CASR: variants seen among roughly 807,000 people sequenced by gnomAD.
The protein encoded by CASR is calcium sensing receptor.
CASR carries 23 observed loss-of-function variants against 69.1 expected under a neutral mutation model. That is an observed-to-expected ratio of 0.33 (90% confidence interval 0.24 to 0.47). The LOEUF (loss-of-function observed/expected upper bound fraction) is 0.47, where lower values mean the gene tolerates loss of function less well. Ranked by LOEUF, CASR falls within the 20% of genes least tolerant of loss-of-function variation. The probability of loss-of-function intolerance (pLI) is 1.00; values close to 1 mark genes in which losing one functional copy is unlikely to be tolerated. For missense variants in CASR, 924 were observed against 1,356.1 expected (o/e 0.68, Z 5.00); for synonymous variants, 541 against 544.7 (o/e 0.99, Z 0.10).
At chr3:122,248,572 T>C (rs1441309854) in intron 1 of CASR, among the ~76,000 whole-genome samples, 2 of 152,026 alleles carry the variant, frequency 1.3e-5, no homozygotes, top group Non-Finnish European at 2.9e-5. Flanking sequence ...AAATCAAATT[T>C]GGTCTTATAA....
Position 122,285,294 on chromosome 3 carries a change from A to C in CASR, c.*103A>C, listed in dbSNP as rs199899073. 3.4e-5 allele frequency: 35 copies of C among 1,041,114 alleles called. No individual in the cohort carries two copies. Among genetic ancestry groups the C allele is most frequent in the Non-Finnish European group, 5.2e-5 (35 of 670,032 alleles). The allele number at this position is 1,041,114 out of a possible 1,614,324, so 64.5% of individuals were successfully genotyped here. Reference sequence around the variant, plus strand: ...TCCTTTCCTCTGAGGAAGAAGGGATAATAGACACATCAAATGCCCCGAATT... The same window carrying C: ...TCCTTTCCTCTGAGGAAGAAGGGATCATAGACACATCAAATGCCCCGAATT... On this transcript the variant is annotated 3_prime_UTR_variant, in exon 7 of 7. Coordinates refer to ENST00000639785, the MANE Select transcript of CASR (RefSeq NM_000388.4).
intron 1 of CASR, among the ~76,000 whole-genome samples, chr3:122,249,437 G>A (rs572738687): frequency 6.6e-6 from 1 of 152,232 alleles, no homozygotes; most frequent in South Asian, 2.1e-4. Flanking sequence ...CTAGCACATA[G>A]AGAGCTCAAT....
At chr3:122,227,750 C>T (rs2074239049) in intron 1 of CASR, among the ~76,000 whole-genome samples, 1 of 152,116 alleles carries the variant, frequency 6.6e-6, no homozygotes, top group Non-Finnish European at 1.5e-5. Context: ...AGTAGGAGCA[C>T]TGGGGTTGAA....
chr3:122,274,883 A>G (rs2074797800), intron 4 of CASR, among the ~76,000 whole-genome samples: 1 of 152,192 alleles, frequency 6.6e-6, no homozygotes, highest in Non-Finnish European at 1.5e-5. Flanking sequence ...CACATGAAAG[A>G]TAAGTGGCTG....
chr3:122,267,870 C>T (rs2074712080), intron 4 of CASR, among the ~76,000 whole-genome samples: 1 of 152,232 alleles, frequency 6.6e-6, no homozygotes, highest in South Asian at 2.1e-4. Context: ...CATTTTCCCA[C>T]TTATGGCCCC....
At chr3:122,262,875 C>T (rs2107633639) in intron 4 of CASR, among the ~76,000 whole-genome samples, 1 of 152,286 alleles carries the variant, frequency 6.6e-6, no homozygotes, top group East Asian at 1.9e-4. Context: ...TACCAAGCCA[C>T]CCAGCAGGTC....
chr3:122,278,663 C>A (rs1404478789), intron 5 of CASR, among the ~76,000 whole-genome samples: 1 of 152,178 alleles, frequency 6.6e-6, no homozygotes, highest in African/African-American at 2.4e-5. Flanking sequence ...CTCTTTAGCT[C>A]ATGGTTGCTG....
Position 122,283,788 on chromosome 3 carries a change from T to C in CASR, c.1834T>C (p.Phe612Leu). Residue 612 changes from phenylalanine to leucine, a missense_variant, in exon 7 of 7, where the codon TTT becomes CTT. Phe to Leu is a conservative substitution (Grantham distance 22, BLOSUM62 0). Transcript: ENST00000639785. ...EIEFLSWTEP[F>L]GIALTLFAVL... ...CGAGTTTCTGTCGTGGACGGAGCCC[T>C]TTGGGATCGCACTCACCCTCTTTGC... is the stretch of plus-strand genomic sequence containing the variant. The C allele has an allele frequency of 6.2e-7, 1 of 1,614,092 alleles. No homozygotes were observed. Among genetic ancestry groups the C allele is most frequent in the Non-Finnish European group, 8.5e-7 (1 of 1,179,996 alleles).
intron 1 of CASR, among the ~76,000 whole-genome samples, chr3:122,231,746 C>A (rs1339145338): frequency 1.7e-5 from 2 of 114,562 alleles, no homozygotes; most frequent in African/African-American, 5.8e-5. Context: ...CCCATTACCC[C>A]CCTCCCACTC....
intron 2 of CASR, among the ~76,000 whole-genome samples, chr3:122,254,639 T>G (rs1032486867): frequency 6.6e-6 from 1 of 152,162 alleles, no homozygotes; most frequent in East Asian, 1.9e-4. Flanking sequence ...GACCAAGTTA[T>G]CATCGTTCAC....
At chr3:122,266,681 C>A (rs111741658) in intron 4 of CASR, among the ~76,000 whole-genome samples, 76 of 152,056 alleles carry the variant, frequency 5.0e-4, no homozygotes, top group African/African-American at 1.8e-3. Flanking sequence ...TTTTATATTT[C>A]ATTTTAAAAG....
At chr3:122,257,457 C>A in intron 3 of CASR, 70 bp downstream of exon 3, 1 of 1,119,462 alleles carries the variant, frequency 8.9e-7, no homozygotes, top group Non-Finnish European at 1.3e-6. Context: ...GTGCCATGCC[C>A]AATAGCCATA....
chr3:122,264,400 C>T (rs549428438), intron 4 of CASR, among the ~76,000 whole-genome samples: 3 of 152,300 alleles, frequency 2.0e-5, no homozygotes, highest in African/African-American at 7.2e-5. Context: ...ATTGACCATT[C>T]CTAAGTCATG....
At chr3:122,282,363 T>G in intron 6 of CASR, 127 bp downstream of exon 6, 3 of 913,970 alleles carry the variant, frequency 3.3e-6, no homozygotes, top group Non-Finnish European at 5.4e-6. Context: ...CAAAGGTATA[T>G]CTGAGCATCA....
chr3:122,204,603 G>C (rs191904337), intron 1 of CASR, among the ~76,000 whole-genome samples: 9 of 152,132 alleles, frequency 5.9e-5, no homozygotes, highest in Non-Finnish European at 1.0e-4. Context: ...TAGTGGAATT[G>C]TTAGATCATA....
At chr3:122,256,603 C>T (rs530465244) in intron 2 of CASR, among the ~76,000 whole-genome samples, 2 of 152,050 alleles carry the variant, frequency 1.3e-5, no homozygotes, top group Admixed American at 1.3e-4. Flanking sequence ...CAAGTGTCAT[C>T]CTCCTTTTAT....
intron 1 of CASR, among the ~76,000 whole-genome samples, chr3:122,223,285 T>C (rs2074189784): frequency 4.0e-5 from 6 of 151,744 alleles, no homozygotes. Context: ...AAAAATTAAG[T>C]GAGATGGATA....
At chr3:122,282,258 A>G in intron 6 of CASR, 22 bp downstream of exon 6, 9 of 1,613,502 alleles carry the variant, frequency 5.6e-6, no homozygotes, top group Non-Finnish European at 7.6e-6. Context: ...CCTCTTGGGC[A>G]CTGTGCAGGG....
At chr3:122,215,969 C>G (rs1234892584) in intron 1 of CASR, among the ~76,000 whole-genome samples, 2 of 152,178 alleles carry the variant, frequency 1.3e-5, no homozygotes, top group Admixed American at 1.3e-4. Context: ...TCAGTTAGGT[C>G]CTTACCCTCA....
Sources: allele counts gnomAD v4.1 joint callset (sites outside exome capture counted in the v4.1 genomes callset), GRCh38; gene constraint gnomAD v4.1.1; transcripts MANE v1.5; gene names NCBI Gene and HGNC (gene_info 2026-07-23, HGNC 2026-07-21).